Variants in UPP1 observed in about 807,000 individuals in gnomAD.
UPP1 encodes the protein UPase 1.
In UPP1, 25 loss-of-function variants were observed where a neutral mutation model predicts 29.6. The ratio of observed to expected loss-of-function variants is 0.85; its 90% CI spans 0.62 to 1.18. The LOEUF (loss-of-function observed/expected upper bound fraction) is 1.18. Among genes scored for constraint, UPP1 ranks in the 50% most tolerant of loss-of-function variants. UPP1 has a pLI of 0.00. For synonymous variants in UPP1, 165 were observed against 159.8 expected (o/e 1.03, Z -0.25); for missense variants, 368 against 410.4 (o/e 0.90, Z 0.89).
At chr7:48,092,477 T>C (rs1244373542) in intron 2 of UPP1, among the ~76,000 whole-genome samples, 1 of 151,954 alleles carries the variant, frequency 6.6e-6, no homozygotes, top group African/African-American at 2.4e-5. Flanking sequence ...TGAAGCTTCA[T>C]CCCTACACTG....
intron 2 of UPP1, among the ~76,000 whole-genome samples, chr7:48,092,230 G>A (rs1164186812): frequency 1.3e-5 from 2 of 152,150 alleles, no homozygotes; most frequent in African/African-American, 2.4e-5. Context: ...CCACTCTTAC[G>A]GGGGAATGTT....
chr7:48,108,074 C>T, intron 8 of UPP1, 144 bp from the exon 9 acceptor site: 3 of 1,244,528 alleles, frequency 2.4e-6, no homozygotes, highest in South Asian at 3.0e-5. Context: ...ACTCCATCCT[C>T]CGGCCCCGCC....
intron 3 of UPP1, among the ~76,000 whole-genome samples, chr7:48,097,697 A>G (rs1792197756): frequency 6.6e-6 from 1 of 152,178 alleles, no homozygotes; most frequent in African/African-American, 2.4e-5. Context: ...CATGACTCTT[A>G]GCCCTTCTAT....
Position 48,095,670 on chromosome 7 carries a change from T to G in UPP1, c.44+843T>G, listed in dbSNP as rs547244862. ...GTGATTTTTTTTTTTTGAGATGGAG[T>G]TTTGCTCTTGTCGCCCAGGCTGGAG... On this transcript the variant is annotated intron_variant, in intron 3 of 8. Transcript: ENST00000395564. 2.5e-4 allele frequency among the ~76,000 whole-genome samples: 38 copies of G among 151,176 alleles called. No individual in the cohort carries two copies. The South Asian group carries it at 7.1e-3, about 28-fold the overall frequency.
intron 5 of UPP1, 55 bp downstream of exon 5, chr7:48,102,037 C>T (rs1792455709): frequency 2.5e-6 from 4 of 1,576,000 alleles, no homozygotes; most frequent in Non-Finnish European, 2.6e-6. Flanking sequence ...CCCCCTGTGC[C>T]CCACCCCTCT....
intron 6 of UPP1, chr7:48,103,815 GA>G (rs1484025576): frequency 7.7e-7 from 1 of 1,290,390 alleles, no homozygotes; most frequent in Non-Finnish European, 1.0e-6. Context: ...AAAGACACAG[GA>G]AAATCAAAGG....
In UPP1 at chr7:48,107,364, A is replaced by T; in HGVS notation, c.650A>T (p.Gln217Leu). ...CATGTCTCCATGTGTGCCTCAGGGC[A>T]AGGCCGTCTGGATGGGGCTCTCTGC... ...TMCTLDFYEG[Q>L]GRLDGALCSY... Residue 217 changes from glutamine to leucine, a missense_variant, in exon 8 of 9, where the codon CAA becomes CTA. Physicochemically the swap from Gln to Leu is moderately radical, Grantham distance 113. Transcript: ENST00000395564. 1 of 1,611,732 alleles carries T rather than the reference A, an allele frequency of 6.2e-7. No homozygotes were observed. Among genetic ancestry groups the T allele is most frequent in the Non-Finnish European group, 8.5e-7 (1 of 1,178,502 alleles).
chr7:48,105,465 A>G (rs1246135806), intron 6 of UPP1: 1 of 152,220 alleles, frequency 6.6e-6, no homozygotes, highest in Non-Finnish European at 1.5e-5. Context: ...TCTGGAAAAG[A>G]TCTGACTTCT....
Position 48,094,819 on chromosome 7 carries a change from A to G in UPP1, c.36A>G (p.Glu12=). 6.2e-7 allele frequency: 1 copy of G among 1,614,224 alleles called. No individual in the cohort carries two copies. Among genetic ancestry groups the G allele is most frequent in the Middle Eastern group, 1.6e-4 (1 of 6,062 alleles). ...CGGGAGCCAATGCAGAGAAAGCTGA[A>G]AGTCACAAGTAAGGCTCCATTTCAT... ...AATGANAEKA[E]SHNDCPVRLL... Residue 12 remains glutamate, a synonymous_variant, in exon 3 of 9, where the codon GAA becomes GAG. Coordinates refer to ENST00000395564, the MANE Select transcript of UPP1 (RefSeq NM_003364.4).
chr7:48,107,046 G>T lies in UPP1; in HGVS notation c.610G>T (p.Val204Leu). 1 of 1,612,320 alleles carries T rather than the reference G, an allele frequency of 6.2e-7. No homozygotes were observed. The highest frequency in any genetic ancestry group is 8.5e-7 in the Non-Finnish European group (1 of 1,179,896). Residue 204 changes from valine to leucine, a missense_variant, in exon 7 of 9, where the codon GTG becomes TTG. Physicochemically the swap from Val to Leu is conservative, Grantham distance 32. Transcript: ENST00000395564. ...SAELSEFTTV[V>L]GNTMCTLDFY... The stretch of plus-strand genomic sequence containing the variant: ...AGAGCTGAGCGAGTTCACCACAGTG[G>T]TGGGGAACACCATGTGCACCTTGGA...
chr7:48,094,739 C>G, intron 2 of UPP1, 24 bp from the exon 3 acceptor site: 2 of 1,612,076 alleles, frequency 1.2e-6, no homozygotes, highest in Non-Finnish European at 8.5e-7. Flanking sequence ...GGATTCACTC[C>G]ATTCTGTGAT....
In UPP1 at chr7:48,106,998, C is replaced by T; in HGVS notation, c.562C>T (p.Gln188Ter). The T allele has an allele frequency of 6.2e-7, 1 of 1,613,026 alleles. No homozygotes were observed. Among genetic ancestry groups the T allele is most frequent in the South Asian group, 1.1e-5 (1 of 91,026 alleles). ...RKTDLNKKLVQELLLCSAELS... is the reference protein window; with the variant it reads ...RKTDLNKKLV The stretch of plus-strand genomic sequence containing the variant: ...AACGGACCTTAACAAGAAGCTGGTG[C>T]AGGAGCTGTTGCTGTGTTCTGCAGA... The change falls in exon 7 of 9, where the codon CAG (glutamine) becomes TAG (stop). Residue 188 changes from glutamine to a stop codon, truncating the protein, a stop_gained. Transcript: ENST00000395564. LOFTEE classifies it high-confidence loss of function.
chr7:48,103,179 A>G lies in UPP1; in HGVS notation c.322-118A>G, dbSNP rs576985023. 107 of 707,002 alleles carry G rather than the reference A, an allele frequency of 1.5e-4. 1 individual carries two copies. The highest frequency in any genetic ancestry group is 7.4e-4 in the Middle Eastern group (3 of 4,080). The allele number at this position is 707,002 out of a possible 1,614,324, so 43.8% of individuals were successfully genotyped here. A position where few individuals can be genotyped will look rare whatever the true frequency, so the allele number is the denominator to read the frequency against. ...TCTTAAATTTATATTTAAAAAGTTT[A>G]TCTTTCATCACTATGTCAATGGGCA... On this transcript the variant is annotated intron_variant, in intron 5 of 8. Transcript: ENST00000395564.
At chr7:48,107,322 C>G (rs146460591) in intron 7 of UPP1, 39 bp from the exon 8 acceptor site, 1,712 of 1,583,506 alleles carry the variant, frequency 1.1e-3, no homozygotes, top group Non-Finnish European at 1.4e-3. Context: ...AGGAGCTTCT[C>G]ACATGCATGT....
In UPP1 at chr7:48,090,328, C is replaced by T. The variant is rs1791757448; in HGVS notation, c.-58C>T. On this transcript the variant is annotated 5_prime_UTR_variant, in exon 2 of 9. Coordinates refer to ENST00000395564, the MANE Select transcript of UPP1 (RefSeq NM_003364.4). ...GGAACGCCTGGAGCGCCTCCCACTGCAGACGTCTGTCCGCCTCCAGCCGCT... is the reference window on the plus strand; with the variant it reads ...GGAACGCCTGGAGCGCCTCCCACTGTAGACGTCTGTCCGCCTCCAGCCGCT... The T allele has an allele frequency of 6.6e-6, 1 of 152,272 alleles. No homozygotes were observed. Among genetic ancestry groups the T allele is most frequent in the Non-Finnish European group, 1.5e-5 (1 of 68,064 alleles). The allele number at this position is 152,272 out of a possible 1,614,324, so 9.4% of individuals were successfully genotyped here.
intron 4 of UPP1, 49 bp downstream of exon 4, chr7:48,099,836 C>T: frequency 8.0e-7 from 1 of 1,251,980 alleles, no homozygotes; most frequent in Non-Finnish European, 1.2e-6. Flanking sequence ...AGATCAACCT[C>T]CCCCTATATT....
At chr7:48,099,181 G>A (rs1424374437) in intron 3 of UPP1, among the ~76,000 whole-genome samples, 5 of 152,188 alleles carry the variant, frequency 3.3e-5, no homozygotes, top group African/African-American at 1.2e-4. Context: ...GGTAGCTAGT[G>A]TAACAAAAAC....
intron 3 of UPP1, among the ~76,000 whole-genome samples, chr7:48,095,337 C>G (rs1046339508): frequency 6.6e-6 from 1 of 152,108 alleles, no homozygotes; most frequent in Non-Finnish European, 1.5e-5. Context: ...CTCACCCCCC[C>G]AGTTGTCTCC....
chr7:48,108,108 C>A, intron 8 of UPP1, 110 bp from the exon 9 acceptor site: 1 of 1,480,758 alleles, frequency 6.8e-7, no homozygotes, highest in East Asian at 2.3e-5. Context: ...AGCCTGGTTT[C>A]CTGAGGAGGC....
Sources: gnomAD v4.1 joint callset for allele counts (sites outside exome capture counted in the v4.1 genomes callset) on GRCh38, gnomAD v4.1.1 for gene constraint, MANE v1.5 for transcripts, NCBI Gene and HGNC (gene_info 2026-07-23, HGNC 2026-07-21) for gene names.